The following PAX2 variants were observed in gnomAD, a reference collection of about 807,000 sequenced individuals.
The protein encoded by PAX2 is paired box 2.
Under a neutral mutation model 41.7 loss-of-function variants are expected in PAX2, and 9 were observed. The ratio of observed to expected loss-of-function variants is 0.22; its 90% CI spans 0.13 to 0.38. PAX2 has a LOEUF of 0.38. Among genes scored for constraint, PAX2 ranks in the 10% least tolerant of loss-of-function variants. The pLI is 1.00. For synonymous variants in PAX2, 221 were observed against 212.7 expected (o/e 1.04, Z -0.34); for missense variants, 418 against 531.6 (o/e 0.79, Z 2.10).
chr10:100,813,246 G>A (rs953537370), intron 7 of PAX2, among the ~76,000 whole-genome samples: 2 of 152,224 alleles, frequency 1.3e-5, no homozygotes, highest in African/African-American at 4.8e-5. Flanking sequence ...GCAGAGCCTT[G>A]AGCAAGTGCA....
At chr10:100,739,016 C>CACACACAT (rs1844862348) in intron 1 of PAX2, among the ~76,000 whole-genome samples, 1 of 116,584 alleles carries the variant, frequency 8.6e-6, no homozygotes, top group Non-Finnish European at 2.0e-5. Context: ...CGCACGCGGA[C>CACACACAT]ACACACACAC....
chr10:100,812,533 C>T (rs945660494), intron 7 of PAX2, among the ~76,000 whole-genome samples: 1 of 152,206 alleles, frequency 6.6e-6, no homozygotes, highest in Admixed American at 6.5e-5. Context: ...GGGCTGCCAT[C>T]CACCTCTCAG....
At position 100,750,636 on chromosome 10, in the gene PAX2, GC is replaced by G. The variant is rs1554855983; in HGVS notation, c.213-52del. ...TGGCTCAGCAGCTCTGGAACCTGCAGCCCCCCTGCCCCGCCACAGTCCGCTT... is the reference window on the plus strand; with the variant it reads ...TGGCTCAGCAGCTCTGGAACCTGCAGCCCCCTGCCCCGCCACAGTCCGCTT... On this transcript the variant is annotated intron_variant, in intron 2 of 9. Transcript: ENST00000355243. The surrounding 1 kb of genome is among the most constrained non-coding windows in gnomAD (Gnocchi z 4.1). The G allele has an allele frequency of 1.4e-6, 2 of 1,464,626 alleles. No individual in the cohort carries two copies. The highest frequency in any genetic ancestry group is 1.9e-6 in the Non-Finnish European group (2 of 1,049,436). 90.7% of individuals were successfully genotyped at this position (1,464,626 alleles called of 1,614,324 possible). A position where few individuals can be genotyped will look rare whatever the true frequency, so the allele number is the denominator to read the frequency against.
At chr10:100,815,501 A>T (rs1387337586) in intron 7 of PAX2, among the ~76,000 whole-genome samples, 1 of 152,146 alleles carries the variant, frequency 6.6e-6, no homozygotes, top group Non-Finnish European at 1.5e-5. Flanking sequence ...CCAAGAAAAG[A>T]GGCTAGCCTC....
At chr10:100,793,826 G>C (rs1589863813) in intron 5 of PAX2, among the ~76,000 whole-genome samples, 1 of 152,196 alleles carries the variant, frequency 6.6e-6, no homozygotes, top group African/African-American at 2.4e-5. Context: ...TGTGGGCCCA[G>C]GTGCCCAGTG....
intron 7 of PAX2, among the ~76,000 whole-genome samples, chr10:100,816,853 G>A (rs1360485094): frequency 3.3e-5 from 5 of 152,202 alleles, no homozygotes; most frequent in Non-Finnish European, 7.4e-5. Context: ...AGGAAATCCT[G>A]CAGGGCTCGG....
At chr10:100,818,543 A>T (rs766192949) in intron 7 of PAX2, among the ~76,000 whole-genome samples, 10 of 152,094 alleles carry the variant, frequency 6.6e-5, no homozygotes, top group South Asian at 6.2e-4. Context: ...TTTTGAGAAT[A>T]TGATAAAAGT....
intron 3 of PAX2, among the ~76,000 whole-genome samples, chr10:100,761,173 C>A (rs141685533): frequency 6.7e-6 from 1 of 149,238 alleles, no homozygotes; most frequent in Non-Finnish European, 1.5e-5. Context: ...ATGGACTGTA[C>A]GGGGTGGGGT....
chr10:100,805,002 T>C (rs1343639629), intron 5 of PAX2, among the ~76,000 whole-genome samples: 1 of 66,194 alleles, frequency 1.5e-5, no homozygotes, highest in Non-Finnish European at 2.9e-5. Context: ...TCTCTCCTTC[T>C]CTCTCTCTCT....
rs59691272 is a variant in PAX2 at position 100,829,445 on chromosome 10, C to A, written c.*1826C>A. The A allele has an allele frequency of 4.8e-6, 1 of 207,922 alleles. No homozygotes were observed. The highest frequency in any genetic ancestry group is 9.8e-6 in the Non-Finnish European group (1 of 101,548). The allele number at this position is 207,922 out of a possible 1,614,324, so 12.9% of individuals were successfully genotyped here. ...CCGCGCGCCCCGGGCGGCCGAAGGC[C>A]GGGCCGCCCCGTCCCGCCCCGTAGT... On this transcript the variant is annotated 3_prime_UTR_variant, in exon 10 of 10. Transcript: ENST00000355243.
At chr10:100,797,847 C>G (rs977185234) in intron 5 of PAX2, among the ~76,000 whole-genome samples, 1 of 152,156 alleles carries the variant, frequency 6.6e-6, no homozygotes, top group Non-Finnish European at 1.5e-5. Flanking sequence ...TACTTCTGGT[C>G]CAGCATTGTG....
intron 3 of PAX2, among the ~76,000 whole-genome samples, chr10:100,761,074 G>A (rs545300582): frequency 5.3e-5 from 8 of 152,202 alleles, no homozygotes; most frequent in Non-Finnish European, 8.8e-5. Flanking sequence ...GGGTAGAAGA[G>A]AGAGTGCAGA....
In PAX2 at chr10:100,745,742, A is replaced by G. The variant is rs1845135624; in HGVS notation, c.-519A>G. On this transcript the variant is annotated 5_prime_UTR_variant, in exon 1 of 10. Coordinates refer to ENST00000355243, the MANE Select transcript of PAX2 (RefSeq NM_000278.5). ...CCTGGCCCGCGCGCTCCCCTCCCGC[A>G]GGCGCCACCTCGGACATCCCCGGGA... 1 of 1,003,006 alleles carries G rather than the reference A, an allele frequency of 1.0e-6. No homozygotes were observed. The highest frequency in any genetic ancestry group is 4.7e-5 in the South Asian group (1 of 21,132). The allele number at this position is 1,003,006 out of a possible 1,614,324, so 62.1% of individuals were successfully genotyped here.
rs199724772 is a variant in PAX2, at chr10:100,809,184, C to G, written c.867C>G (p.Asn289Lys). ...EVKSSLSAST[N>K]PELGSNVSGT... ...AGTCGAGTCTATCTGCATCCACCAACCCTGAGCTGGGCAGCAACGTGTCAG... is the reference window on the plus strand; with the variant it reads ...AGTCGAGTCTATCTGCATCCACCAAGCCTGAGCTGGGCAGCAACGTGTCAG... The change falls in exon 7 of 10, where the codon AAC (asparagine) becomes AAG (lysine). Residue 289 changes from asparagine to lysine, a missense_variant. Physicochemically the swap from Asn to Lys is moderately conservative, Grantham distance 94. This residue lies in a region of PAX2 where 310 missense variants were observed against 325.2 expected (regional missense o/e 0.95). Transcript: ENST00000355243. 256 of 1,613,818 alleles carry G rather than the reference C, an allele frequency of 1.6e-4. No homozygotes were observed. In the Middle Eastern group the frequency reaches 4.1e-3, roughly 26 times the overall value.
chr10:100,807,634 G>C (rs1409361666), intron 6 of PAX2, among the ~76,000 whole-genome samples: 1 of 152,168 alleles, frequency 6.6e-6, no homozygotes, highest in East Asian at 1.9e-4. Flanking sequence ...CACCAGCTCA[G>C]CATACCCCTA....
intron 3 of PAX2, among the ~76,000 whole-genome samples, chr10:100,775,021 G>A (rs1193358085): frequency 6.6e-6 from 1 of 152,246 alleles, no homozygotes; most frequent in Admixed American, 6.5e-5. Context: ...GGAAAGAGAA[G>A]TGGGGAGCAG....
chr10:100,805,030 A>T (rs1164425242), intron 5 of PAX2, among the ~76,000 whole-genome samples: 348 of 11,562 alleles, frequency 0.03, 3 homozygotes, highest in African/African-American at 0.053. Context: ...ACATACACAC[A>T]CACACACACA....
chr10:100,743,428 G>A (rs1159035547), upstream of PAX2, among the ~76,000 whole-genome samples: 1 of 152,070 alleles, frequency 6.6e-6, no homozygotes, highest in East Asian at 1.9e-4. Context: ...GTGTGGAAGG[G>A]GGGGGGTTTA....
intron 5 of PAX2, among the ~76,000 whole-genome samples, chr10:100,790,132 T>G (rs543654139): frequency 1.3e-5 from 2 of 152,294 alleles, no homozygotes; most frequent in South Asian, 4.1e-4. Context: ...TCTGGTTGTT[T>G]GGGGAAGTAT....
Sources: gnomAD v4.1 joint callset for allele counts (sites outside exome capture counted in the v4.1 genomes callset) on GRCh38, gnomAD v4.1.1 for gene constraint, gnomAD v4.1.1 regional missense constraint, Gnocchi (gnomAD v3.1) non-coding constraint, MANE v1.5 for transcripts, NCBI Gene and HGNC (gene_info 2026-07-23, HGNC 2026-07-21) for gene names.